Variants in LIMK2 observed in about 807,000 individuals in gnomAD.
LIMK2 encodes LIM domain kinase 2.
A neutral mutation model predicts 75.7 loss-of-function variants in LIMK2; 35 were observed. The ratio of observed to expected loss-of-function variants is 0.46; its 90% CI spans 0.35 to 0.61. The LOEUF (loss-of-function observed/expected upper bound fraction) is 0.61, where lower values mean the gene tolerates loss of function less well. Among genes scored for constraint, LIMK2 ranks in the 20% least tolerant of loss-of-function variants. The probability of loss-of-function intolerance (pLI) is 0.00; values close to 1 mark genes in which losing one functional copy is unlikely to be tolerated. For missense variants in LIMK2, 623 were observed against 831.0 expected (o/e 0.75, Z 3.08); for synonymous variants, 301 against 319.2 (o/e 0.94, Z 0.61).
At chr22:31,234,914 A>G (rs2123790430) in intron 2 of LIMK2, among the ~76,000 whole-genome samples, 1 of 151,946 alleles carries the variant, frequency 6.6e-6, no homozygotes, top group South Asian at 2.1e-4. Context: ...TACTCTGTTC[A>G]CTTAACTCCT....
chr22:31,255,978 CTTTTTTTTTTTTTTTTTTTTTTTTTT>C (rs567250437), intron 2 of LIMK2, among the ~76,000 whole-genome samples: 1 of 29,638 alleles, frequency 3.4e-5, no homozygotes, highest in African/African-American at 1.2e-4. Flanking sequence ...TATATTGGGT[CTTTTTTTTTTTTTTTTTTTTTTTTTT>C]TTTTTTTTTT....
At chr22:31,237,833 A>G (rs1218262862) in intron 2 of LIMK2, among the ~76,000 whole-genome samples, 2 of 151,482 alleles carry the variant, frequency 1.3e-5, no homozygotes, top group African/African-American at 4.9e-5. Flanking sequence ...GGCCGAGCGC[A>G]GTGGCTCACA....
Position 31,253,895 on chromosome 22 carries a change from C to T in LIMK2, c.117-4396C>T, listed in dbSNP as rs73158542. On this transcript the variant is annotated intron_variant, in intron 2 of 15. Transcript: ENST00000331728. ...GTTAATTGATAGCTAAGCTAGAACT[C>T]TGAAGTCTACCATGGCAACTTCTTA... 5.3e-3 allele frequency among the ~76,000 whole-genome samples: 812 copies of T among 152,346 alleles called. 3 individuals are homozygous for T. The highest frequency in any genetic ancestry group is 8.7e-3 in the Non-Finnish European group (594 of 68,030).
intron 15 of LIMK2, chr22:31,277,186 A>AC (rs780542414): frequency 1.2e-5 from 20 of 1,610,538 alleles, no homozygotes; most frequent in African/African-American, 1.1e-4. Context: ...GACAATCGCT[A>AC]CCCCCCGACC....
At chr22:31,234,981 A>G (rs1356184186) in intron 2 of LIMK2, among the ~76,000 whole-genome samples, 1 of 152,040 alleles carries the variant, frequency 6.6e-6, no homozygotes, top group African/African-American at 2.4e-5. Flanking sequence ...GTAATTCCTC[A>G]CCCTGAAAAA....
intron 1 of LIMK2, among the ~76,000 whole-genome samples, chr22:31,217,162 G>A (rs2048395001): frequency 6.6e-6 from 1 of 152,176 alleles, no homozygotes; most frequent in Non-Finnish European, 1.5e-5. Flanking sequence ...AGCACTTTGG[G>A]AGGCTGAGGT....
chr22:31,277,174 A>G, intron 15 of LIMK2: 1 of 1,612,590 alleles, frequency 6.2e-7, no homozygotes, highest in African/African-American at 1.3e-5. Context: ...TGGCTCCCAT[A>G]GGACAATCGC....
chr22:31,230,721 C>T (rs564980960), intron 2 of LIMK2, among the ~76,000 whole-genome samples: 166 of 152,144 alleles, frequency 1.1e-3, no homozygotes, highest in Non-Finnish European at 2.0e-3. Context: ...AGACCATTTC[C>T]GCTAAATTTA....
chr22:31,254,452 A>T (rs1325379992), intron 2 of LIMK2, among the ~76,000 whole-genome samples: 4 of 152,166 alleles, frequency 2.6e-5, no homozygotes, highest in African/African-American at 9.7e-5. Context: ...AATATTTGTT[A>T]AGGCTTTGCT....
At chr22:31,219,037 G>T (rs968716487) in intron 1 of LIMK2, among the ~76,000 whole-genome samples, 1 of 152,242 alleles carries the variant, frequency 6.6e-6, no homozygotes, top group Non-Finnish European at 1.5e-5. Flanking sequence ...TGTGGGGACT[G>T]CATTGGCTCT....
At chr22:31,235,645 G>A (rs1446095120) in intron 2 of LIMK2, among the ~76,000 whole-genome samples, 3 of 152,118 alleles carry the variant, frequency 2.0e-5, no homozygotes, top group Non-Finnish European at 4.4e-5. Flanking sequence ...TCGTAAGTTT[G>A]TTTTGTTTCA....
At chr22:31,229,725 T>C (rs2048510281) in intron 2 of LIMK2, among the ~76,000 whole-genome samples, 1 of 152,166 alleles carries the variant, frequency 6.6e-6, no homozygotes, top group Non-Finnish European at 1.5e-5. Context: ...CTGGGGTCCA[T>C]CCTAAACTCC....
At chr22:31,273,207 C>G (rs1408814864) in intron 13 of LIMK2, 1 of 239,574 alleles carries the variant, frequency 4.2e-6, no homozygotes. Context: ...TAGTCTGGTT[C>G]TTTTCCACTT....
chr22:31,238,347 A>G (rs1323880205), intron 2 of LIMK2, among the ~76,000 whole-genome samples: 2 of 152,162 alleles, frequency 1.3e-5, no homozygotes, highest in Non-Finnish European at 2.9e-5. Flanking sequence ...TTTTAAGTCC[A>G]TGCTCACAGA....
chr22:31,263,609 G>A (rs1473154875), intron 7 of LIMK2, among the ~76,000 whole-genome samples: 3 of 152,064 alleles, frequency 2.0e-5, no homozygotes, highest in Non-Finnish European at 1.5e-5. Context: ...GGAGGCCTAG[G>A]TCGGAGGATG....
chr22:31,237,253 T>C (rs1382177213), intron 2 of LIMK2, among the ~76,000 whole-genome samples: 3 of 109,480 alleles, frequency 2.7e-5, no homozygotes, highest in Non-Finnish European at 5.4e-5. Context: ...AGAGCAAGAC[T>C]CTGTCTCAAA....
intron 2 of LIMK2, among the ~76,000 whole-genome samples, chr22:31,238,659 C>T (rs2048600240): frequency 6.6e-6 from 1 of 152,110 alleles, no homozygotes; most frequent in South Asian, 2.1e-4. Flanking sequence ...TTGATCACAC[C>T]TCCTTCCTCG....
In LIMK2 at chr22:31,278,528, G is replaced by A. The variant is rs1054135251; in HGVS notation, c.*87G>A. ...TCCTGCTGTGAGCAGGGCCGTCCGG[G>A]CTTCCTGTGGATTGGCGGAATGTTT... On this transcript the variant is annotated 3_prime_UTR_variant, in exon 16 of 16. Transcript: ENST00000331728. 7.9e-6 allele frequency: 11 copies of A among 1,397,440 alleles called. No individual in the cohort carries two copies. Among genetic ancestry groups the A allele is most frequent in the Non-Finnish European group, 9.5e-6 (10 of 1,050,100 alleles). The allele number at this position is 1,397,440 out of a possible 1,614,324, so 86.6% of individuals were successfully genotyped here.
chr22:31,257,155 G>A (rs2048792725), intron 2 of LIMK2, among the ~76,000 whole-genome samples: 1 of 145,930 alleles, frequency 6.9e-6, no homozygotes, highest in African/African-American at 2.5e-5. Flanking sequence ...GCCTCCCAAA[G>A]TGCTGGGATT....
Sources: allele counts gnomAD v4.1 joint callset (sites outside exome capture counted in the v4.1 genomes callset), GRCh38; gene constraint gnomAD v4.1.1; transcripts MANE v1.5; gene names NCBI Gene and HGNC (gene_info 2026-07-23, HGNC 2026-07-21).